Variants in CPS1 observed in about 807,000 individuals in gnomAD.
CPS1 encodes carbamoyl-phosphate synthase 1.
Under a neutral mutation model 174.6 loss-of-function variants are expected in CPS1, and 109 were observed. The observed-to-expected ratio is 0.62, with a 90% CI of 0.53 to 0.73. The LOEUF is 0.73. Ranked by LOEUF, CPS1 falls within the 30% of genes least tolerant of loss-of-function variation. The pLI, the probability that CPS1 is intolerant of heterozygous loss-of-function variation, is 0.00. For synonymous variants in CPS1, 637 were observed against 632.0 expected, an observed-to-expected ratio of 1.01 and a Z score of -0.12; for missense variants, 1,689 against 1,821.9, an observed-to-expected ratio of 0.93 and a Z score of 1.33.
chr2:210,663,082 CCTCACATAATTTT>C, intron 32 of CPS1, 28 bp from the exon 33 acceptor site: 1 of 1,553,284 alleles, frequency 6.4e-7, no homozygotes, highest in Non-Finnish European at 8.8e-7. Context: ...TCTACTTTTC[CCTCACATAATTTT>C]TCTCCCTGTT....
At chr2:210,595,690 T>C (rs1698460368) in intron 13 of CPS1, 108 bp downstream of exon 13, 1 of 798,216 alleles carries the variant, frequency 1.3e-6, no homozygotes, top group Non-Finnish European at 2.1e-6. Context: ...GTTGCTATAA[T>C]TATTTTCCTT....
intron 20 of CPS1, 96 bp downstream of exon 20, chr2:210,612,389 A>C: frequency 6.8e-7 from 1 of 1,474,006 alleles, no homozygotes; most frequent in Non-Finnish European, 9.4e-7. Flanking sequence ...AGTGGTTTTA[A>C]ATCAGGGATT....
chr2:210,509,743 CAG>C (rs917359771), intron 1 of CPS1, among the ~76,000 whole-genome samples: 30 of 152,234 alleles, frequency 2.0e-4, no homozygotes, highest in Middle Eastern at 3.4e-3. Context: ...AGCAGACAAA[CAG>C]AGAGCCAAAT....
At chr2:210,577,356 T>C in intron 3 of CPS1, 65 bp from the exon 4 acceptor site, 1 of 1,266,694 alleles carries the variant, frequency 7.9e-7, no homozygotes, top group Admixed American at 1.7e-5. Flanking sequence ...CAAATGCAAA[T>C]TGACTCACAA....
intron 37 of CPS1, 61 bp from the exon 38 acceptor site, chr2:210,677,822 CTTCA>C: frequency 5.5e-6 from 7 of 1,275,750 alleles, no homozygotes; most frequent in Admixed American, 1.7e-5. Context: ...TGACTTTTGT[CTTCA>C]TTCATTAAAA....
rs999354867 is a variant in CPS1, at chr2:210,559,394, G to A, written c.126+2535G>A. 2.0e-5 allele frequency among the ~76,000 whole-genome samples: 3 copies of A among 152,144 alleles called. No individual in the cohort carries two copies. The East Asian group carries it at 5.8e-4, about 29-fold the overall frequency. On this transcript the variant is annotated intron_variant, in intron 1 of 37. Coordinates refer to ENST00000233072, the MANE Select transcript of CPS1 (RefSeq NM_001875.5). ...GACAGAGACGGTGGGTTTGACGACA[G>A]CAATGACGCACTTATAATTTTATGT...
At chr2:210,555,344 T>A (rs1189058753), upstream of CPS1, among the ~76,000 whole-genome samples, 1 of 152,052 alleles carries the variant, frequency 6.6e-6, no homozygotes, top group African/African-American at 2.4e-5. Flanking sequence ...TCTTTCTTTC[T>A]TATTTTCCCC....
At position 210,577,587 on chromosome 2, in the gene CPS1, A is replaced by T. The variant is rs1169290317; in HGVS notation, c.471+77A>T. 4 of 994,936 alleles carry T rather than the reference A, an allele frequency of 4.0e-6. No homozygotes were observed. The African/African-American group carries it at 4.8e-5, about 12-fold the overall frequency. The allele number at this position is 994,936 out of a possible 1,614,324, so 61.6% of individuals were successfully genotyped here. A position where few individuals can be genotyped will look rare whatever the true frequency, so the allele number is the denominator to read the frequency against. ...GCCTGTAGATTCAGAAGTGCCAAGC[A>T]GACAGAGGAAGATCATGTAGTTTGG... is the stretch of plus-strand genomic sequence containing the variant. On this transcript the variant is annotated intron_variant, in intron 4 of 37. Transcript: ENST00000233072.
chr2:210,495,085 G>T (rs1218496229), intron 1 of CPS1, among the ~76,000 whole-genome samples: 2 of 152,180 alleles, frequency 1.3e-5, no homozygotes, highest in African/African-American at 4.8e-5. Flanking sequence ...TAAAATGGAT[G>T]CAAATATCAG....
intron 21 of CPS1, among the ~76,000 whole-genome samples, chr2:210,622,734 G>T (rs1699570621): frequency 6.8e-6 from 1 of 148,112 alleles, no homozygotes. Context: ...ATTTGGATTG[G>T]CAATTTTATA....
chr2:210,592,209 T>C (rs930676353), intron 10 of CPS1, among the ~76,000 whole-genome samples: 1 of 152,082 alleles, frequency 6.6e-6, no homozygotes, highest in African/African-American at 2.4e-5. Flanking sequence ...AATTATTCAC[T>C]CAGAATATTC....
chr2:210,490,277 T>C (rs1044491833), intron 1 of CPS1, among the ~76,000 whole-genome samples: 20 of 152,194 alleles, frequency 1.3e-4, no homozygotes, highest in Non-Finnish European at 2.5e-4. Context: ...GGCTTACCTC[T>C]GACCTACAAA....
At chr2:210,629,333 G>A (rs982682989) in intron 21 of CPS1, among the ~76,000 whole-genome samples, 12 of 146,884 alleles carry the variant, frequency 8.2e-5, no homozygotes, top group African/African-American at 3.0e-4. Context: ...CTTTTTTTTT[G>A]AGACGGAGTC....
intron 1 of CPS1, among the ~76,000 whole-genome samples, chr2:210,503,847 A>G (rs906060060): frequency 4.0e-5 from 6 of 151,676 alleles, no homozygotes; most frequent in African/African-American, 1.4e-4. Context: ...TCCTCTTTAC[A>G]GCACAATTCG....
chr2:210,532,805 A>G (rs550480204), intron 1 of CPS1, among the ~76,000 whole-genome samples: 81 of 152,298 alleles, frequency 5.3e-4, no homozygotes, highest in Non-Finnish European at 8.7e-4. Flanking sequence ...AGAACTACCA[A>G]CTGGGCAGAG....
chr2:210,655,247 G>T (rs1243197641), intron 29 of CPS1, among the ~76,000 whole-genome samples: 1 of 152,134 alleles, frequency 6.6e-6, no homozygotes, highest in Admixed American at 6.6e-5. Flanking sequence ...CCTATATATG[G>T]AAGTGGAGAA....
chr2:210,552,791 A>G (rs975658131), upstream of CPS1, among the ~76,000 whole-genome samples: 1 of 152,068 alleles, frequency 6.6e-6, no homozygotes, highest in African/African-American at 2.4e-5. Context: ...AATGATTAAT[A>G]TAAATGAGTT....
upstream of CPS1, among the ~76,000 whole-genome samples, chr2:210,553,711 A>G (rs570448018): frequency 7.9e-5 from 12 of 152,084 alleles, no homozygotes; most frequent in East Asian, 2.1e-3. Flanking sequence ...AAATGTTTTG[A>G]AAAATAATCT....
intron 1 of CPS1, among the ~76,000 whole-genome samples, chr2:210,485,231 C>CAAAAAA (rs753781683): frequency 7.3e-4 from 69 of 94,240 alleles, no homozygotes; most frequent in East Asian, 3.0e-3. Flanking sequence ...GACTACATCT[C>CAAAAAA]AAAAAAAAAA....
Sources: gnomAD v4.1 joint callset for allele counts (sites outside exome capture counted in the v4.1 genomes callset) on GRCh38, gnomAD v4.1.1 for gene constraint, MANE v1.5 for transcripts, NCBI Gene and HGNC (gene_info 2026-07-23, HGNC 2026-07-21) for gene names.